The following LATS1 variants were observed in gnomAD, a reference collection of about 807,000 sequenced individuals.
LATS1 encodes the protein serine/threonine-protein kinase LATS1.
Under a neutral mutation model 106.6 loss-of-function variants are expected in LATS1, and 25 were observed. That is an observed-to-expected ratio of 0.23 (90% confidence interval 0.17 to 0.33). The LOEUF (loss-of-function observed/expected upper bound fraction) is 0.33. Ranked by LOEUF, LATS1 falls within the 10% of genes least tolerant of loss-of-function variation. LATS1 has a pLI of 1.00. For missense variants in LATS1, 1,040 were observed against 1,382.6 expected (o/e 0.75, Z 3.93); for synonymous variants, 465 against 455.6 (o/e 1.02, Z -0.26).
Position 149,717,896 on chromosome 6 carries a change from C to A in LATS1, c.-188G>T, listed in dbSNP as rs749587147. 8.1e-6 allele frequency: 3 copies of A among 371,266 alleles called. No homozygotes were observed. Among genetic ancestry groups the A allele is most frequent in the South Asian group, 5.5e-5 (3 of 54,730 alleles). 23.0% of individuals were successfully genotyped at this position (371,266 alleles called of 1,614,324 possible). On this transcript the variant is annotated 5_prime_UTR_variant, in exon 1 of 8. Coordinates refer to ENST00000543571, the MANE Select transcript of LATS1 (RefSeq NM_004690.4). ...TGGACAGCGGCCACGGGCCTGAGGG[C>A]GGACGCTGAGGCGGCCAGAGTCCGT...
At chr6:149,711,087 A>C (rs1784059780) in intron 1 of LATS1, among the ~76,000 whole-genome samples, 1 of 152,124 alleles carries the variant, frequency 6.6e-6, no homozygotes. Context: ...ATAGCCTCAA[A>C]CAACCAAATG....
chr6:149,697,028 ATCAC>A, intron 2 of LATS1: 1 of 629,568 alleles, frequency 1.6e-6, no homozygotes, highest in Admixed American at 2.3e-5. Context: ...ATAAACATAA[ATCAC>A]TCACTATCAT....
At chr6:149,673,501 C>A (rs1482104662) in intron 7 of LATS1, among the ~76,000 whole-genome samples, 2 of 151,832 alleles carry the variant, frequency 1.3e-5, no homozygotes, top group Non-Finnish European at 2.9e-5. Flanking sequence ...AGGGAGAAAG[C>A]ATACAATTTT....
intron 7 of LATS1, among the ~76,000 whole-genome samples, chr6:149,667,438 CAAAAAAAAAAAAAAAAA>C (rs1189854950): frequency 2.9e-5 from 1 of 33,958 alleles, no homozygotes; most frequent in South Asian, 1.7e-3. Context: ...GACTGTATCT[CAAAAAAAAAAAAAAAAA>C]AAAAAAAAAA....
intron 1 of LATS1, among the ~76,000 whole-genome samples, chr6:149,715,591 C>T (rs532552363): frequency 3.1e-4 from 47 of 152,042 alleles, no homozygotes; most frequent in African/African-American, 1.0e-3. Flanking sequence ...TTGCACATAA[C>T]GAAATTAGTT....
chr6:149,680,141 T>C lies in LATS1; in HGVS notation c.2327A>G (p.Asp776Gly). 1 of 1,613,974 alleles carries C rather than the reference T, an allele frequency of 6.2e-7. No homozygotes were observed. Among genetic ancestry groups the C allele is most frequent in the Non-Finnish European group, 8.5e-7 (1 of 1,179,898 alleles). ...GTAGTCCATTACAAAGTATAAATTG[T>C]CCTTATCTTGGAATGAATAATATAG... ...VRLYYSFQDK[D>G]NLYFVMDYIP... The change falls in exon 5 of 8, where the codon GAC becomes GGC. Residue 776 changes from aspartate (D) to glycine (G), a missense_variant. Around this residue, in one of 7 missense-constraint regions of LATS1, gnomAD observed 167 missense variants for 332.1 expected, o/e 0.50. Coordinates refer to ENST00000543571, the MANE Select transcript of LATS1 (RefSeq NM_004690.4).
At chr6:149,696,711 A>G (rs1783102412) in intron 2 of LATS1, among the ~76,000 whole-genome samples, 1 of 152,122 alleles carries the variant, frequency 6.6e-6, no homozygotes, top group African/African-American at 2.4e-5. Flanking sequence ...GAATACAAAT[A>G]TAAGACAAAA....
At chr6:149,714,831 TTTA>T (rs1199204072) in intron 1 of LATS1, among the ~76,000 whole-genome samples, 1 of 152,180 alleles carries the variant, frequency 6.6e-6, no homozygotes, top group African/African-American at 2.4e-5. Context: ...AGACTCAAAC[TTTA>T]TTGTGACAGA....
chr6:149,693,295 A>T (rs1279732780), intron 3 of LATS1, among the ~76,000 whole-genome samples: 1 of 150,112 alleles, frequency 6.7e-6, no homozygotes, highest in Non-Finnish European at 1.5e-5. Flanking sequence ...AAAAAAAATT[A>T]AAAGAGGTAA....
intron 3 of LATS1, among the ~76,000 whole-genome samples, chr6:149,692,651 T>C (rs146924477): frequency 6.6e-6 from 1 of 151,656 alleles, no homozygotes; most frequent in Admixed American, 6.6e-5. Context: ...AGCCCTCTTA[T>C]AAATCAATTC....
chr6:149,682,090 G>GAAAAAAA (rs1782064956), intron 4 of LATS1, among the ~76,000 whole-genome samples: 1 of 148,758 alleles, frequency 6.7e-6, no homozygotes, highest in Non-Finnish European at 1.5e-5. Flanking sequence ...CCAGCCTGGC[G>GAAAAAAA]ACAGAGTGAG....
chr6:149,700,601 C>T (rs776382884), intron 2 of LATS1, among the ~76,000 whole-genome samples: 9 of 151,584 alleles, frequency 5.9e-5, no homozygotes, highest in Non-Finnish European at 8.8e-5. Context: ...TATGGAAATT[C>T]GGCCACCAAA....
intron 3 of LATS1, among the ~76,000 whole-genome samples, chr6:149,690,983 C>T (rs1488070385): frequency 2.0e-5 from 3 of 152,112 alleles, no homozygotes; most frequent in Non-Finnish European, 2.9e-5. Context: ...TCCAGAAACA[C>T]TTCTTGAAGG....
At chr6:149,699,641 C>T (rs1346284508) in intron 2 of LATS1, among the ~76,000 whole-genome samples, 2 of 152,070 alleles carry the variant, frequency 1.3e-5, no homozygotes, top group African/African-American at 4.8e-5. Flanking sequence ...AAAAAAAGCA[C>T]AAACATATCT....
chr6:149,690,908 A>C (rs1336571445), intron 3 of LATS1, among the ~76,000 whole-genome samples: 1 of 152,206 alleles, frequency 6.6e-6, no homozygotes, highest in Non-Finnish European at 1.5e-5. Flanking sequence ...GATGAACTGG[A>C]AATTTGAAAA....
chr6:149,713,912 G>A (rs9480478), intron 1 of LATS1, among the ~76,000 whole-genome samples: 1 of 151,154 alleles, frequency 6.6e-6, no homozygotes, highest in Non-Finnish European at 1.5e-5. Flanking sequence ...CACCTGCCTC[G>A]GCCTCCCGAA....
In LATS1 at chr6:149,665,379, T is replaced by C. The variant is rs567928817; in HGVS notation, c.2884-3141A>G. Among the ~76,000 whole-genome samples, 11 of 152,136 alleles carry C rather than the reference T, an allele frequency of 7.2e-5. No homozygotes were observed. The South Asian group carries it at 1.7e-3, about 23-fold the overall frequency. On this transcript the variant is annotated intron_variant, in intron 7 of 7. Transcript: ENST00000543571. ...AATATCTCATAAATATATAAATTAA[T>C]AAAGCATGGGGTCCCAAGAAGATGG...
intron 7 of LATS1, among the ~76,000 whole-genome samples, chr6:149,663,289 C>T (rs1351329578): frequency 6.6e-6 from 1 of 152,142 alleles, no homozygotes; most frequent in African/African-American, 2.4e-5. Flanking sequence ...TCAAGACCAG[C>T]CTGGGCAACA....
chr6:149,670,249 G>C (rs1477958076), intron 7 of LATS1, among the ~76,000 whole-genome samples: 1 of 141,750 alleles, frequency 7.1e-6, no homozygotes, highest in African/African-American at 2.7e-5. Context: ...GTAGTCACTA[G>C]AGCAACCACA....
Sources: gnomAD v4.1 joint callset for allele counts (sites outside exome capture counted in the v4.1 genomes callset) on GRCh38, gnomAD v4.1.1 for gene constraint, gnomAD v4.1.1 regional missense constraint, MANE v1.5 for transcripts, NCBI Gene and HGNC (gene_info 2026-07-23, HGNC 2026-07-21) for gene names.